The following LTBP1 variants were observed in gnomAD, a reference collection of about 807,000 sequenced individuals.
The protein encoded by LTBP1 is latent-transforming growth factor beta-binding protein 1.
In LTBP1, 129 loss-of-function variants were observed where a neutral mutation model predicts 207.6. The ratio of observed to expected loss-of-function variants is 0.62; its 90% CI spans 0.54 to 0.72. The LOEUF is 0.72. LTBP1 is among the 30% of genes least tolerant of loss of function. The pLI is 0.00. For missense variants in LTBP1, 2,281 were observed against 2,217.2 expected (o/e 1.03, Z -0.58); for synonymous variants, 963 against 833.7 (o/e 1.16, Z -2.67).
intron 26 of LTBP1, among the ~76,000 whole-genome samples, chr2:33,349,286 C>A (rs997940525): frequency 6.6e-6 from 1 of 152,048 alleles, no homozygotes; most frequent in Non-Finnish European, 1.5e-5. Flanking sequence ...CCTGTCTCTA[C>A]TAAAAATAGA....
At chr2:33,164,447 G>A (rs912470399) in intron 5 of LTBP1, among the ~76,000 whole-genome samples, 3 of 148,600 alleles carry the variant, frequency 2.0e-5, no homozygotes, top group African/African-American at 7.5e-5. Flanking sequence ...AACCAAAAGA[G>A]CATTAATGAT....
intron 32 of LTBP1, among the ~76,000 whole-genome samples, chr2:33,391,606 G>T (rs906020872): frequency 6.6e-6 from 1 of 152,132 alleles, no homozygotes; most frequent in Non-Finnish European, 1.5e-5. Context: ...GTAAGCAAGA[G>T]CCTGGGATTA....
Position 33,315,269 on chromosome 2 carries a change from G to A in LTBP1, c.3730G>A (p.Asp1244Asn). The stretch of plus-strand genomic sequence containing the variant: ...CTCTGCAGATGGCCGTACGTGTGAA[G>A]GTAAGATAAACCATACGAAATCATA... Reference protein sequence around the residue: ...SISADGRTCEDIDECVNNTVC... With the variant: ...SISADGRTCENIDECVNNTVC... The change falls in exon 24 of 34, where the codon GAT (aspartate) becomes AAT (asparagine). Residue 1244 changes from aspartate to asparagine, a missense_variant and splice_region_variant. Coordinates refer to ENST00000404816, the MANE Select transcript of LTBP1 (RefSeq NM_206943.4). 1 of 1,610,826 alleles carries A rather than the reference G, an allele frequency of 6.2e-7. No homozygotes were observed. The highest frequency in any genetic ancestry group is 8.5e-7 in the Non-Finnish European group (1 of 1,179,268).
At chr2:33,179,656 A>G (rs1403891972) in intron 5 of LTBP1, among the ~76,000 whole-genome samples, 1 of 152,122 alleles carries the variant, frequency 6.6e-6, no homozygotes, top group Middle Eastern at 3.2e-3. Flanking sequence ...TAAAACTTTT[A>G]GAAATTTAAT....
At chr2:32,988,426 C>T (rs1437572377) in intron 2 of LTBP1, among the ~76,000 whole-genome samples, 1 of 152,080 alleles carries the variant, frequency 6.6e-6, no homozygotes, top group Non-Finnish European at 1.5e-5. Flanking sequence ...ACACTGAGCT[C>T]CTAAAGAGCC....
intron 3 of LTBP1, among the ~76,000 whole-genome samples, chr2:33,088,522 A>G (rs2078888458): frequency 6.6e-6 from 1 of 152,264 alleles, no homozygotes; most frequent in South Asian, 2.1e-4. Flanking sequence ...GCTTAGGCAC[A>G]TTCTTGATTT....
chr2:32,963,871 A>T (rs1037676561), intron 2 of LTBP1, among the ~76,000 whole-genome samples: 28 of 152,182 alleles, frequency 1.8e-4, no homozygotes, highest in African/African-American at 6.5e-4. Context: ...GAGGGCCCTG[A>T]GTTTAAAGTA....
At chr2:32,955,069 C>G (rs1405140064) in intron 2 of LTBP1, among the ~76,000 whole-genome samples, 1 of 152,170 alleles carries the variant, frequency 6.6e-6, no homozygotes, top group African/African-American at 2.4e-5. Context: ...CAAATTGAAT[C>G]AAAATCTTTG....
At chr2:33,324,406 A>G (rs1000387747) in intron 24 of LTBP1, among the ~76,000 whole-genome samples, 7 of 151,298 alleles carry the variant, frequency 4.6e-5, no homozygotes, top group African/African-American at 7.3e-5. Flanking sequence ...ATGTATGTAT[A>G]TATATGGAAA....
Position 33,315,187 on chromosome 2 carries a change from G to A in LTBP1, c.3648G>A (p.Gly1216=). Residue 1216 remains glycine, a synonymous_variant, in exon 24 of 34, where the codon GGG becomes GGA. Coordinates refer to ENST00000404816, the MANE Select transcript of LTBP1 (RefSeq NM_206943.4). ...ATCCAGGGCTCTGTGGTCCGCAAGG[G>A]GAGTGCCTAAACACAGAGGGTTCTT... ...CEHPGLCGPQ[G]ECLNTEGSFH... 1 of 1,612,822 alleles carries A rather than the reference G, an allele frequency of 6.2e-7. No homozygotes were observed. The highest frequency in any genetic ancestry group is 1.3e-5 in the African/African-American group (1 of 74,936).
intron 4 of LTBP1, among the ~76,000 whole-genome samples, chr2:33,133,919 G>A (rs552392037): frequency 1.3e-5 from 2 of 152,240 alleles, no homozygotes; most frequent in East Asian, 1.9e-4. Flanking sequence ...TTTAGTCTAG[G>A]GCTTATTTTG....
At position 33,263,339 on chromosome 2, in the gene LTBP1, C is replaced by T; in HGVS notation, c.2564C>T (p.Pro855Leu). The change falls in exon 15 of 34, where the codon CCT becomes CTT. Residue 855 changes from proline to leucine, a missense_variant. This residue lies in a region of LTBP1 where 1,671 missense variants were observed against 1,634.8 expected (regional missense o/e 1.02). Coordinates refer to ENST00000404816, the MANE Select transcript of LTBP1 (RefSeq NM_206943.4). ...CCTCCTGTGCCTGTTGAAGTAGCTC[C>T]TGAAGCTTCTACGTCTAGTGCCAGC... ...TSPPVPVEVA[P>L]EASTSSASQV... 1 of 1,614,028 alleles carries T rather than the reference C, an allele frequency of 6.2e-7. No homozygotes were observed. The highest frequency in any genetic ancestry group is 2.2e-5 in the East Asian group (1 of 44,868).
chr2:33,389,397 G>A lies in LTBP1; in HGVS notation c.4834+91G>A, dbSNP rs576109325. 2.6e-6 allele frequency: 4 copies of A among 1,546,490 alleles called. No individual in the cohort carries two copies. In the South Asian group the frequency reaches 4.8e-5, roughly 18 times the overall value. ...AATGTAATGGCAACTTGTTAGCAAT[G>A]CAGCATTTCTGGTCCCACCCCAGAC... On this transcript the variant is annotated intron_variant, in intron 32 of 33. Transcript: ENST00000404816.
At chr2:33,049,958 C>T (rs1216241477) in intron 3 of LTBP1, among the ~76,000 whole-genome samples, 1 of 151,852 alleles carries the variant, frequency 6.6e-6, no homozygotes, top group African/African-American at 2.4e-5. Context: ...CCTCCCACCT[C>T]ATCCTCCTGA....
chr2:33,277,823 T>TCTCTCTCTCTCTCTCTCTCTCTC (rs1320310239), intron 18 of LTBP1, among the ~76,000 whole-genome samples: 31 of 83,518 alleles, frequency 3.7e-4, no homozygotes, highest in Middle Eastern at 5.4e-3. Flanking sequence ...TTTTCTTTCT[T>TCTCTCTCTCTCTCTCTCTCTCTC]TCTTTCTTTT....
At chr2:33,130,467 G>T (rs2081710251) in intron 4 of LTBP1, among the ~76,000 whole-genome samples, 1 of 152,190 alleles carries the variant, frequency 6.6e-6, no homozygotes, top group African/African-American at 2.4e-5. Flanking sequence ...TCACATCTTG[G>T]TCTGATGACC....
chr2:33,296,849 T>C (rs1356064508), intron 20 of LTBP1, among the ~76,000 whole-genome samples: 11 of 152,054 alleles, frequency 7.2e-5, no homozygotes, highest in Admixed American at 5.9e-4. Flanking sequence ...CATCTGCAAA[T>C]AAAAGGGAGC....
At chr2:33,383,003 G>A (rs577926972) in intron 31 of LTBP1, among the ~76,000 whole-genome samples, 2 of 152,186 alleles carry the variant, frequency 1.3e-5, no homozygotes, top group Non-Finnish European at 2.9e-5. Context: ...AGAGTGGAAT[G>A]TTCTGTAAAT....
In LTBP1 at chr2:33,225,146, A is replaced by G. The variant is rs575800918; in HGVS notation, c.1876+2995A>G. Among the ~76,000 whole-genome samples the G allele has an allele frequency of 2.6e-5, 4 of 152,270 alleles. No individual in the cohort carries two copies. The South Asian group carries it at 8.3e-4, about 32-fold the overall frequency. On this transcript the variant is annotated intron_variant, in intron 9 of 33. Coordinates refer to ENST00000404816, the MANE Select transcript of LTBP1 (RefSeq NM_206943.4). ...TCCTTTTATTTTTTATCAGCATATA[A>G]TAATTGTACATATTTATGGGGTATG...
Sources: allele counts gnomAD v4.1 joint callset (sites outside exome capture counted in the v4.1 genomes callset), GRCh38; gene constraint gnomAD v4.1.1; regional missense constraint gnomAD v4.1.1; transcripts MANE v1.5; gene names NCBI Gene and HGNC (gene_info 2026-07-23, HGNC 2026-07-21).